PRKCE: variants seen among roughly 807,000 people sequenced by gnomAD.
PRKCE encodes protein kinase C epsilon.
A neutral mutation model predicts 85.4 loss-of-function variants in PRKCE; 16 were observed. The observed-to-expected ratio is 0.19, with a 90% confidence interval of 0.13 to 0.28. The LOEUF (loss-of-function observed/expected upper bound fraction) is 0.28. PRKCE is among the 10% of genes least tolerant of loss of function. The probability of loss-of-function intolerance (pLI) is 1.00; values close to 1 mark genes in which losing one functional copy is unlikely to be tolerated. For missense variants in PRKCE, 573 were observed against 975.2 expected (o/e 0.59, Z 5.49); for synonymous variants, 388 against 371.5 (o/e 1.04, Z -0.51).
At chr2:45,856,872 G>C (rs1157687095) in intron 2 of PRKCE, among the ~76,000 whole-genome samples, 3 of 152,208 alleles carry the variant, frequency 2.0e-5, no homozygotes, top group Admixed American at 6.5e-5. Flanking sequence ...GTTGCTGCAA[G>C]TGACAGGATT....
intron 1 of PRKCE, among the ~76,000 whole-genome samples, chr2:45,676,425 C>T (rs184125100): frequency 6.6e-6 from 1 of 152,178 alleles, no homozygotes; most frequent in Non-Finnish European, 1.5e-5. Context: ...GGATACAGAG[C>T]CTTTTCCTCT....
intron 2 of PRKCE, among the ~76,000 whole-genome samples, chr2:45,909,105 G>T (rs1249245689): frequency 1.3e-5 from 2 of 152,126 alleles, no homozygotes; most frequent in Non-Finnish European, 2.9e-5. Flanking sequence ...CTAAAATAAC[G>T]TCATTAGTCA....
At chr2:46,027,910 G>T (rs1313280317) in intron 10 of PRKCE, among the ~76,000 whole-genome samples, 1 of 152,128 alleles carries the variant, frequency 6.6e-6, no homozygotes, top group Non-Finnish European at 1.5e-5. Context: ...ACCTACCCTG[G>T]GGGACCTCCC....
chr2:46,079,017 A>G (rs1668807659), intron 10 of PRKCE, among the ~76,000 whole-genome samples: 1 of 152,014 alleles, frequency 6.6e-6, no homozygotes, highest in Admixed American at 6.6e-5. Flanking sequence ...TCTCTACTAA[A>G]AATACAAAAA....
intron 2 of PRKCE, among the ~76,000 whole-genome samples, chr2:45,966,568 G>A (rs150251111): frequency 6.6e-6 from 1 of 152,308 alleles, no homozygotes; most frequent in African/African-American, 2.4e-5. Context: ...TTACCTTGAA[G>A]ACTATAATCA....
At chr2:45,924,060 T>C (rs1038870824) in intron 2 of PRKCE, among the ~76,000 whole-genome samples, 9 of 152,138 alleles carry the variant, frequency 5.9e-5, no homozygotes, top group Non-Finnish European at 1.3e-4. Context: ...AAAAGAGCAC[T>C]CCCTCCACAG....
intron 11 of PRKCE, among the ~76,000 whole-genome samples, chr2:46,088,301 A>G (rs1669840239): frequency 6.6e-6 from 1 of 151,878 alleles, no homozygotes; most frequent in African/African-American, 2.4e-5. Flanking sequence ...CCAATTTCCA[A>G]CTTTGCTGTG....
Position 45,976,559 on chromosome 2 carries a change from C to A in PRKCE, c.543C>A (p.Thr181=). The stretch of plus-strand genomic sequence containing the variant: ...TGGCCACCTATCTTCGGCAGCCCAC[C>A]TACTGCTCCCATTGCAGAGACTTCA... The part of the protein sequence containing the change: ...KFMATYLRQP[T]YCSHCRDFIW... The change falls in exon 3 of 15, where the codon ACC becomes ACA. Residue 181 remains threonine (T), a synonymous_variant. Coordinates refer to ENST00000306156, the MANE Select transcript of PRKCE (RefSeq NM_005400.3). 6.3e-7 allele frequency: 1 copy of A among 1,599,788 alleles called. No individual in the cohort carries two copies. The highest frequency in any genetic ancestry group is 8.5e-7 in the Non-Finnish European group (1 of 1,179,966).
rs367628974 is a variant in PRKCE at position 45,661,523 on chromosome 2, G to GTTTTTTTTTTT, written c.348+9081_348+9082insTTTTTTTTTTT. On this transcript the variant is annotated intron_variant, in intron 1 of 14. Coordinates refer to ENST00000306156, the MANE Select transcript of PRKCE (RefSeq NM_005400.3). ...TTTTTTTTGTTTTGTTTTGTTTTTT[G>GTTTTTTTTTTT]TTTTTTGTTTTTTTTTTTTTTTTTA... Among the ~76,000 whole-genome samples the GTTTTTTTTTTT allele has an allele frequency of 4.7e-4, 45 of 96,650 alleles. 2 individuals are homozygous for GTTTTTTTTTTT. Among genetic ancestry groups the GTTTTTTTTTTT allele is most frequent in the African/African-American group, 1.3e-3 (34 of 25,814 alleles). The allele number at this position is 96,650 out of a possible 152,430, so 63.4% of individuals were successfully genotyped here.
At chr2:45,979,418 T>A (rs1377481964) in intron 4 of PRKCE, among the ~76,000 whole-genome samples, 1 of 152,252 alleles carries the variant, frequency 6.6e-6, no homozygotes, top group Non-Finnish European at 1.5e-5. Flanking sequence ...CTGCTCGTTG[T>A]ACTTGGTATC....
intron 14 of PRKCE, among the ~76,000 whole-genome samples, chr2:46,164,026 T>C (rs979741382): frequency 1.3e-5 from 2 of 152,154 alleles, no homozygotes; most frequent in Admixed American, 6.5e-5. Context: ...AGGGGGCAGA[T>C]TGCCATCACA....
intron 10 of PRKCE, among the ~76,000 whole-genome samples, chr2:46,047,984 A>G (rs1008717911): frequency 6.6e-6 from 1 of 152,190 alleles, no homozygotes; most frequent in Non-Finnish European, 1.5e-5. Context: ...AGTACTTTGA[A>G]AATTGGAAGA....
At chr2:45,743,806 C>T (rs1558622022) in intron 1 of PRKCE, among the ~76,000 whole-genome samples, 3 of 152,080 alleles carry the variant, frequency 2.0e-5, no homozygotes, top group South Asian at 2.1e-4. Context: ...AGCTTGATTC[C>T]GGCTCTGGTT....
chr2:46,173,431 A>T (rs137941865), intron 14 of PRKCE, among the ~76,000 whole-genome samples: 1 of 152,242 alleles, frequency 6.6e-6, no homozygotes, highest in African/African-American at 2.4e-5. Context: ...AGCTTACTTT[A>T]TATTCCTTAC....
chr2:45,940,771 G>A (rs1390837195), intron 2 of PRKCE, among the ~76,000 whole-genome samples: 1 of 152,054 alleles, frequency 6.6e-6, no homozygotes, highest in African/African-American at 2.4e-5. Context: ...AAGTTGATAG[G>A]CACCTGGCCG....
chr2:45,712,871 A>G (rs1217502378), intron 1 of PRKCE, among the ~76,000 whole-genome samples: 1 of 152,096 alleles, frequency 6.6e-6, no homozygotes, highest in Non-Finnish European at 1.5e-5. Flanking sequence ...ACCATGTGTC[A>G]TTTATCTTCG....
chr2:45,919,584 T>C (rs1481153515), intron 2 of PRKCE, among the ~76,000 whole-genome samples: 1 of 152,186 alleles, frequency 6.6e-6, no homozygotes, highest in Admixed American at 6.5e-5. Flanking sequence ...TTGGCTCACA[T>C]TTAGAGAACA....
intron 2 of PRKCE, among the ~76,000 whole-genome samples, chr2:45,858,409 T>A (rs1036556276): frequency 1.3e-5 from 2 of 152,212 alleles, no homozygotes; most frequent in Non-Finnish European, 2.9e-5. Context: ...ATACCCTCTG[T>A]GATTTGTTTC....
chr2:45,661,418 A>T (rs987748663), intron 1 of PRKCE, among the ~76,000 whole-genome samples: 2 of 151,570 alleles, frequency 1.3e-5, no homozygotes, highest in Non-Finnish European at 2.9e-5. Context: ...CCTGACCTTA[A>T]GTGATCCACC....
Sources: gnomAD v4.1 joint callset for allele counts (sites outside exome capture counted in the v4.1 genomes callset) on GRCh38, gnomAD v4.1.1 for gene constraint, MANE v1.5 for transcripts, NCBI Gene and HGNC (gene_info 2026-07-23, HGNC 2026-07-21) for gene names.